The following ZNF718 variants were observed in gnomAD, a reference collection of about 807,000 sequenced individuals.
ZNF718 encodes zinc finger protein 718.
ZNF718 carries 3 observed loss-of-function variants against 2.6 expected under a neutral mutation model. The ratio of observed to expected loss-of-function variants is 1.16; its 90% CI spans 0.53 to 3.01. The LOEUF is 3.01. Among genes scored for constraint, ZNF718 ranks in the 30% most tolerant of loss-of-function variants. The pLI, the probability that ZNF718 is intolerant of heterozygous loss-of-function variation, is 0.03. For synonymous variants in ZNF718, 135 were observed against 77.9 expected (o/e 1.73, Z -3.86); for missense variants, 468 against 230.0 (o/e 2.03, Z -6.69).
intron 3 of ZNF718, among the ~76,000 whole-genome samples, chr4:192,992 A>T (rs1717721981): frequency 6.6e-6 from 1 of 152,142 alleles, no homozygotes; most frequent in Admixed American, 6.5e-5. Context: ...GGTTTGGTGA[A>T]GAATTTTAAG....
chr4:159,332 G>A (rs1019720982), intron 3 of ZNF718, among the ~76,000 whole-genome samples: 4 of 151,896 alleles, frequency 2.6e-5, no homozygotes, highest in Non-Finnish European at 4.4e-5. Context: ...CACTGTGCCT[G>A]GCCGAAGCTA....
At chr4:192,817 G>A (rs922579784) in intron 3 of ZNF718, among the ~76,000 whole-genome samples, 1 of 152,282 alleles carries the variant, frequency 6.6e-6, no homozygotes. Flanking sequence ...AACTTAACAA[G>A]GGGGTTAAAG....
At chr4:174,170 A>T (rs1176103699) in intron 3 of ZNF718, among the ~76,000 whole-genome samples, 1 of 152,110 alleles carries the variant, frequency 6.6e-6, no homozygotes, top group African/African-American at 2.4e-5. Context: ...TTCTTCCCCG[A>T]AGCTTTGCAA....
Position 161,333 on chromosome 4 carries a change from A to C in ZNF718, c.648A>C (p.Lys216Asn), listed in dbSNP as rs1553815056. The change falls in exon 4 of 4, where the codon AAA (lysine) becomes AAC (asparagine). Residue 216 changes from lysine to asparagine, a missense_variant. Physicochemically the swap from Lys to Asn is moderately conservative, Grantham distance 94 (BLOSUM62 0). Transcript: ENST00000510175. The stretch of plus-strand genomic sequence containing the variant: ...TTAATTGGTCCTCAATTCTTACTAA[A>C]CATAAGAGAATTCATGCCAGAGAGA... ...KAFNWSSILT[K>N]HKRIHAREKF... 4 of 780,496 alleles carry C rather than the reference A, an allele frequency of 5.1e-6. No individual in the cohort carries two copies. In the South Asian group the frequency reaches 5.4e-5, roughly 10 times the overall value. 48.3% of individuals were successfully genotyped at this position (780,496 alleles called of 1,614,324 possible). A position where few individuals can be genotyped will look rare whatever the true frequency, so the allele number is the denominator to read the frequency against.
chr4:141,998 C>G, intron 3 of ZNF718: 1 of 519,460 alleles, frequency 1.9e-6, no homozygotes, highest in South Asian at 1.4e-5. Context: ...GGTAAAAAAG[C>G]TTTTTATGGT....
intron 3 of ZNF718, among the ~76,000 whole-genome samples, chr4:154,866 C>T (rs1716492089): frequency 1.3e-5 from 2 of 152,212 alleles, no homozygotes; most frequent in Admixed American, 1.3e-4. Context: ...GTCTCTAGGG[C>T]ATTTCAGAGA....
At chr4:130,613 G>A (rs1715326161) in intron 1 of ZNF718, among the ~76,000 whole-genome samples, 175 bp from the exon 2 acceptor site, 1 of 102,236 alleles carries the variant, frequency 9.8e-6, no homozygotes, top group African/African-American at 3.4e-5. Context: ...ATGGTGGCGG[G>A]TGCCTGTAAT....
At chr4:133,107 G>A (rs1485165053) in intron 3 of ZNF718, among the ~76,000 whole-genome samples, 1 of 87,592 alleles carries the variant, frequency 1.1e-5, no homozygotes, top group African/African-American at 4.0e-5. Flanking sequence ...ACCCCAGGAG[G>A]TGGAGTTTGC....
chr4:179,572 T>C (rs759922063), intron 3 of ZNF718, among the ~76,000 whole-genome samples: 5 of 152,228 alleles, frequency 3.3e-5, no homozygotes, highest in African/African-American at 9.6e-5. Context: ...TCAGAGATCA[T>C]GTAAGGTGAA....
rs1715303625 is a variant in ZNF718, at chr4:129,536, G to C, written c.4-1252G>C. Among the ~76,000 whole-genome samples the C allele has an allele frequency of 1.9e-5, 2 of 104,186 alleles. 1 individual carries two copies. Among genetic ancestry groups the C allele is most frequent in the Non-Finnish European group, 4.3e-5 (2 of 46,720 alleles). 68.4% of individuals were successfully genotyped at this position (104,186 alleles called of 152,430 possible). A position where few individuals can be genotyped will look rare whatever the true frequency, so the allele number is the denominator to read the frequency against. On this transcript the variant is annotated intron_variant, in intron 1 of 3. Transcript: ENST00000510175. ...CACAATTTCCTGATACCCAAAAGCA[G>C]ATAAATGAGGAAAAGCAATATACTT...
At chr4:158,164 T>C (rs1553814066) in intron 3 of ZNF718, among the ~76,000 whole-genome samples, 2 of 152,188 alleles carry the variant, frequency 1.3e-5, no homozygotes, top group African/African-American at 4.8e-5. Context: ...AGTTTTTCAC[T>C]TAAGATGCAC....
chr4:178,070 A>G (rs1173731138), intron 3 of ZNF718, among the ~76,000 whole-genome samples: 2 of 152,178 alleles, frequency 1.3e-5, no homozygotes, highest in Non-Finnish European at 2.9e-5. Flanking sequence ...TAGCTAGTAC[A>G]TGCTGACATG....
intron 3 of ZNF718, among the ~76,000 whole-genome samples, chr4:181,831 C>T (rs1433497825): frequency 6.6e-6 from 1 of 152,086 alleles, no homozygotes; most frequent in Non-Finnish European, 1.5e-5. Flanking sequence ...ACCTTCCATA[C>T]TCAGGCCCCA....
chr4:173,999 A>G (rs1717298351), intron 3 of ZNF718, among the ~76,000 whole-genome samples: 2 of 152,054 alleles, frequency 1.3e-5, no homozygotes, highest in South Asian at 4.1e-4. Context: ...GTAGGCCCCC[A>G]AGTAGAGAGC....
At chr4:185,197 T>A (rs1250651042) in intron 3 of ZNF718, among the ~76,000 whole-genome samples, 1 of 152,208 alleles carries the variant, frequency 6.6e-6, no homozygotes, top group Non-Finnish European at 1.5e-5. Flanking sequence ...TCTGGTACAT[T>A]GTCTCTTTGT....
At chr4:143,530 G>C (rs1244991795) in intron 3 of ZNF718, among the ~76,000 whole-genome samples, 1 of 152,136 alleles carries the variant, frequency 6.6e-6, no homozygotes, top group Non-Finnish European at 1.5e-5. Context: ...CATTGTTTTG[G>C]ACTAAGCTCA....
chr4:181,934 C>A (rs554379350), intron 3 of ZNF718, among the ~76,000 whole-genome samples: 1 of 152,102 alleles, frequency 6.6e-6, no homozygotes, highest in Non-Finnish European at 1.5e-5. Context: ...TCAGTTCCTG[C>A]GTTAATTTGC....
At chr4:141,885 A>G in intron 3 of ZNF718, 1 of 345,020 alleles carries the variant, frequency 2.9e-6, no homozygotes, top group South Asian at 2.3e-5. Context: ...CATTTTATAA[A>G]GGGATTTCAT....
In ZNF718 at chr4:141,757, A is replaced by G. The variant is rs376716531; in HGVS notation, c.226+10252A>G. Among the ~76,000 whole-genome samples, 96 of 152,330 alleles carry G rather than the reference A, an allele frequency of 6.3e-4. No homozygotes were observed. In the South Asian group the frequency reaches 0.018, roughly 29 times the overall value. On this transcript the variant is annotated intron_variant, in intron 3 of 3. Transcript: ENST00000510175. The stretch of plus-strand genomic sequence containing the variant: ...TTATTATAAACTGCAGAAATAATCA[A>G]ATTTCCTTGTATAAAGCTACTGACC...
Sources: gnomAD v4.1 joint callset for allele counts (sites outside exome capture counted in the v4.1 genomes callset) on GRCh38, gnomAD v4.1.1 for gene constraint, MANE v1.5 for transcripts, NCBI Gene and HGNC (gene_info 2026-07-23, HGNC 2026-07-21) for gene names.